LACTB2: variants seen among roughly 807,000 people sequenced by gnomAD.
The protein encoded by LACTB2 is endoribonuclease LACTB2.
In LACTB2, 32 loss-of-function variants were observed where a neutral mutation model predicts 34.8. The ratio of observed to expected loss-of-function variants is 0.92; its 90% confidence interval spans 0.69 to 1.24. The LOEUF is 1.24. Among genes scored for constraint, LACTB2 ranks in the 50% most tolerant of loss-of-function variants. LACTB2 has a pLI of 0.00. For missense variants in LACTB2, 320 were observed against 345.0 expected, an observed-to-expected ratio of 0.93 and a Z score of 0.57; for synonymous variants, 120 against 117.5, an observed-to-expected ratio of 1.02 and a Z score of -0.14.
At chr8:70,648,577 G>GA (rs1322121300) in intron 3 of LACTB2, among the ~76,000 whole-genome samples, 3 of 151,480 alleles carry the variant, frequency 2.0e-5, no homozygotes, top group Non-Finnish European at 2.9e-5. Context: ...AAATGAGAGA[G>GA]AAAAAAATAA....
chr8:70,661,505 A>G, intron 2 of LACTB2: 1 of 419,052 alleles, frequency 2.4e-6, no homozygotes, highest in Non-Finnish European at 4.3e-6. Context: ...TCTGAATAGT[A>G]ACTCACACAC....
At chr8:70,641,434 T>C (rs569579851) in intron 4 of LACTB2, among the ~76,000 whole-genome samples, 1 of 152,196 alleles carries the variant, frequency 6.6e-6, no homozygotes, top group African/African-American at 2.4e-5. Flanking sequence ...AAGAATCCCA[T>C]GAAGTAGGTA....
chr8:70,656,937 T>C (rs943797809), intron 3 of LACTB2, among the ~76,000 whole-genome samples: 8 of 152,180 alleles, frequency 5.3e-5, no homozygotes, highest in Non-Finnish European at 8.8e-5. Context: ...AAGGTAATCC[T>C]GAAGCCTCTG....
In LACTB2 at chr8:70,640,921, A is replaced by C; in HGVS notation, c.722T>G (p.Leu241Arg). The C allele has an allele frequency of 6.3e-7, 1 of 1,579,030 alleles. No homozygotes were observed. Among genetic ancestry groups the C allele is most frequent in the Non-Finnish European group, 8.6e-7 (1 of 1,167,868 alleles). Reference sequence around the variant, plus strand: ...AATTACCTTGTAAATAATTTTTACAAGCTCCATTACTGTAAATGATTTCTC... The same window carrying C: ...AATTACCTTGTAAATAATTTTTACACGCTCCATTACTGTAAATGATTTCTC... ...NFEKSFTVME[L>R]VKIIYKNTPE... is the part of the protein sequence containing the mutation. Residue 241 changes from leucine (L) to arginine (R), a missense_variant, in exon 5 of 7, where the codon CTT becomes CGT. By Grantham distance (102) the Leu-to-Arg change is moderately radical. Coordinates refer to ENST00000276590, the MANE Select transcript of LACTB2 (RefSeq NM_016027.3).
chr8:70,642,213 A>G (rs1200380298), intron 4 of LACTB2, among the ~76,000 whole-genome samples: 1 of 152,182 alleles, frequency 6.6e-6, no homozygotes, highest in Non-Finnish European at 1.5e-5. Flanking sequence ...TTCGCTTTAA[A>G]AATAGCTGTC....
chr8:70,669,073 C>T lies in LACTB2; in HGVS notation c.48G>A (p.Val16=), dbSNP rs766454278. 1.9e-6 allele frequency: 3 copies of T among 1,612,972 alleles called. No homozygotes were observed. Among genetic ancestry groups the T allele is most frequent in the East Asian group, 2.2e-5 (1 of 44,828 alleles). The stretch of plus-strand genomic sequence containing the variant: ...GACCCGGGTTACAGCCCAACACACG[C>T]ACGACTCGATTGGACAGCCGCTCGA... The part of the protein sequence containing the change: ...QRVERLSNRV[V]RVLGCNPGPM... Residue 16 remains valine, a synonymous_variant, in exon 1 of 7, where the codon GTG becomes GTA. Coordinates refer to ENST00000276590, the MANE Select transcript of LACTB2 (RefSeq NM_016027.3).
rs746448033 is a variant in LACTB2 at position 70,669,155 on chromosome 8, C to G, written c.-35G>C. ...AGCCGCCCGCCGGCGTGTCGCCTAT[C>G]TGGATACTCCAGCGCGGAAGAAGCC... is the stretch of plus-strand genomic sequence containing the variant. On this transcript the variant is annotated 5_prime_UTR_variant, in exon 1 of 7. Coordinates refer to ENST00000276590, the MANE Select transcript of LACTB2 (RefSeq NM_016027.3). The G allele has an allele frequency of 1.2e-6, 2 of 1,608,950 alleles. No homozygotes were observed. The highest frequency in any genetic ancestry group is 1.7e-6 in the Non-Finnish European group (2 of 1,177,612).
intron 3 of LACTB2, among the ~76,000 whole-genome samples, chr8:70,648,746 G>C (rs1386555368): frequency 6.6e-6 from 1 of 152,062 alleles, no homozygotes; most frequent in African/African-American, 2.4e-5. Flanking sequence ...ACAAAGACTC[G>C]CTTTGACTAA....
chr8:70,646,823 T>A (rs1348405982), intron 3 of LACTB2: 1 of 152,244 alleles, frequency 6.6e-6, no homozygotes, highest in Admixed American at 6.5e-5. Flanking sequence ...CACTGTTGCC[T>A]CTATATTCTT....
intron 3 of LACTB2, among the ~76,000 whole-genome samples, chr8:70,648,367 C>G (rs557996727): frequency 2.8e-4 from 42 of 152,192 alleles, no homozygotes; most frequent in African/African-American, 9.6e-4. Flanking sequence ...CCAAACCCCA[C>G]AGAATATAAT....
In LACTB2 at chr8:70,647,256, A is replaced by AT. The variant is rs199728297; in HGVS notation, c.414-3014dup. Among the ~76,000 whole-genome samples the AT allele has an allele frequency of 3.2e-3, 468 of 145,198 alleles. 1 individual carries two copies. The highest frequency in any genetic ancestry group is 7.4e-3 in the Admixed American group (107 of 14,474). ...ATATCTCTATCTATCTATATATATA[A>AT]TTTTTTTTTTTTTTGAGACAGGGTC... On this transcript the variant is annotated intron_variant, in intron 3 of 6. Transcript: ENST00000276590.
At chr8:70,667,696 A>G (rs1467756996) in intron 1 of LACTB2, among the ~76,000 whole-genome samples, 2 of 152,248 alleles carry the variant, frequency 1.3e-5, no homozygotes, top group Admixed American at 6.5e-5. Context: ...GCCCCTCAAC[A>G]CAAGCCAATT....
chr8:70,649,307 G>A (rs942215413), intron 3 of LACTB2, among the ~76,000 whole-genome samples: 2 of 152,128 alleles, frequency 1.3e-5, no homozygotes, highest in African/African-American at 2.4e-5. Flanking sequence ...AAAACAAGCC[G>A]ACAGGAGCAA....
intron 3 of LACTB2, 40 bp downstream of exon 3, chr8:70,657,716 C>G (rs758724004): frequency 6.3e-7 from 1 of 1,575,688 alleles, no homozygotes; most frequent in Non-Finnish European, 8.6e-7. Flanking sequence ...CACACATACA[C>G]AGACTCTTCA....
intron 1 of LACTB2, among the ~76,000 whole-genome samples, chr8:70,663,768 T>C (rs1225529762): frequency 6.6e-6 from 1 of 152,212 alleles, no homozygotes; most frequent in African/African-American, 2.4e-5. Context: ...ATGCTATTCC[T>C]AGCCATCTTA....
At chr8:70,645,617 G>A (rs1462794689) in intron 3 of LACTB2, among the ~76,000 whole-genome samples, 2 of 151,474 alleles carry the variant, frequency 1.3e-5, no homozygotes, top group East Asian at 3.9e-4. Flanking sequence ...TTAACATTAG[G>A]TATATCTCCA....
rs950755477 is a variant in LACTB2, at chr8:70,658,650, T to C, written c.287-768A>G. Among the ~76,000 whole-genome samples, 3 of 152,066 alleles carry C rather than the reference T, an allele frequency of 2.0e-5. 1 individual carries two copies. Among genetic ancestry groups the C allele is most frequent in the African/African-American group, 7.2e-5 (3 of 41,400 alleles). On this transcript the variant is annotated intron_variant, in intron 2 of 6. Coordinates refer to ENST00000276590, the MANE Select transcript of LACTB2 (RefSeq NM_016027.3). ...GTTAGGAAAGGATTTATAAATATGA[T>C]AGAACTTGAGGTGTGACTTACAGAA...
At chr8:70,655,772 C>T (rs1818404915) in intron 3 of LACTB2, among the ~76,000 whole-genome samples, 1 of 152,150 alleles carries the variant, frequency 6.6e-6, no homozygotes, top group Non-Finnish European at 1.5e-5. Context: ...AAGGAATCTC[C>T]ACACTGTTTT....
At position 70,661,764 on chromosome 8, in the gene LACTB2, T is replaced by C. The variant is rs565977953; in HGVS notation, c.256A>G (p.Ile86Val). The C allele has an allele frequency of 1.2e-5, 19 of 1,612,788 alleles. No homozygotes were observed. In the South Asian group the frequency reaches 1.4e-4, roughly 12 times the overall value. ...THWHRDHSGGIGDICKSINND... is the reference protein window; with the variant it reads ...THWHRDHSGGVGDICKSINND... ...TTGATGCTTTTACAAATATCTCCTATGCCTCCAGAATGATCTCGGTGCCAG... is the reference window on the plus strand; with the variant it reads ...TTGATGCTTTTACAAATATCTCCTACGCCTCCAGAATGATCTCGGTGCCAG... Residue 86 changes from isoleucine to valine, a missense_variant, in exon 2 of 7, where the codon ATA (isoleucine) becomes GTA (valine). Transcript: ENST00000276590.
Sources: allele counts gnomAD v4.1 joint callset (sites outside exome capture counted in the v4.1 genomes callset), GRCh38; gene constraint gnomAD v4.1.1; transcripts MANE v1.5; gene names NCBI Gene and HGNC (gene_info 2026-07-23, HGNC 2026-07-21).